The following ZBTB7B variants were observed in gnomAD, a reference collection of about 807,000 sequenced individuals.
The protein encoded by ZBTB7B is zinc finger and BTB domain containing 7B.
ZBTB7B carries 8 observed loss-of-function variants against 31.0 expected under a neutral mutation model. The ratio of observed to expected loss-of-function variants is 0.26; its 90% CI spans 0.15 to 0.47. The LOEUF is 0.47. Ranked by LOEUF, ZBTB7B falls within the 20% of genes least tolerant of loss-of-function variation. The pLI, the probability that ZBTB7B is intolerant of heterozygous loss-of-function variation, is 0.99. For synonymous variants in ZBTB7B, 261 were observed against 307.3 expected (o/e 0.85, Z 1.58); for missense variants, 494 against 742.4 (o/e 0.67, Z 3.89).
Position 155,004,487 on chromosome 1 carries a change from CCA to C in ZBTB7B, c.-7+1552_-7+1553del, listed in dbSNP as rs1227705466. Reference sequence around the variant, plus strand: ...GATTATGGGGTTGCCTCCTGCTGCCCCACACACACCAACTGGTTTGGTCACCC... The same window carrying C: ...GATTATGGGGTTGCCTCCTGCTGCCCCACACACCAACTGGTTTGGTCACCC... On this transcript the variant is annotated intron_variant, in intron 1 of 2. Coordinates refer to ENST00000535420, the MANE Select transcript of ZBTB7B (RefSeq NM_001256455.2). The surrounding 1 kb of genome is among the most constrained non-coding windows in gnomAD (Gnocchi z 4.0). 6.6e-6 allele frequency among the ~76,000 whole-genome samples: 1 copy of C among 152,050 alleles called. No homozygotes were observed. The highest frequency in any genetic ancestry group is 1.5e-5 in the Non-Finnish European group (1 of 67,980).
intron 1 of ZBTB7B, among the ~76,000 whole-genome samples, chr1:155,007,336 C>T (rs1228756708): frequency 1.3e-5 from 2 of 152,220 alleles, no homozygotes. Flanking sequence ...TGGTTCCCTC[C>T]CTTTATGGGG....
intron 1 of ZBTB7B, chr1:155,010,845 G>T: frequency 7.8e-7 from 1 of 1,284,482 alleles, no homozygotes; most frequent in Non-Finnish European, 1.1e-6. Flanking sequence ...CAGAAGTAAG[G>T]GGGAGGGGTG....
At chr1:155,006,308 T>C (rs1467050028) in intron 1 of ZBTB7B, among the ~76,000 whole-genome samples, 1 of 152,174 alleles carries the variant, frequency 6.6e-6, no homozygotes, top group Non-Finnish European at 1.5e-5. Context: ...GGTTCTGCTA[T>C]GGAGGATAGC....
Position 155,014,804 on chromosome 1 carries a change from C to T in ZBTB7B, c.144C>T (p.His48=). The part of the protein sequence containing the change: ...IRTQGLEYRT[H]RAVLAACSHY... ...CGCAGGGCCTTGAATACCGCACCCA[C>T]AGGGCTGTGCTAGCTGCCTGTAGCC... The change falls in exon 2 of 3, where the codon CAC becomes CAT. Residue 48 remains histidine (H), a synonymous_variant. Transcript: ENST00000535420. The T allele has an allele frequency of 1.2e-6, 2 of 1,614,232 alleles. No homozygotes were observed. Among genetic ancestry groups the T allele is most frequent in the Non-Finnish European group, 1.7e-6 (2 of 1,180,040 alleles).
intron 1 of ZBTB7B, among the ~76,000 whole-genome samples, chr1:155,007,100 G>C (rs1304328211): frequency 6.6e-6 from 1 of 152,238 alleles, no homozygotes; most frequent in South Asian, 2.1e-4. Flanking sequence ...ACTGGGATGG[G>C]TTGGAATGTG....
intron 1 of ZBTB7B, among the ~76,000 whole-genome samples, chr1:155,005,041 C>G (rs950302003): frequency 3.3e-5 from 5 of 152,026 alleles, no homozygotes; most frequent in African/African-American, 1.2e-4. Context: ...CTGTCCCCTT[C>G]TTCTTCCCCA....
chr1:155,007,875 C>T (rs56103503), intron 1 of ZBTB7B, among the ~76,000 whole-genome samples: 50,892 of 151,886 alleles, frequency 0.34, 11,362 homozygotes, highest in East Asian at 0.87. Flanking sequence ...TTTTAGGGGG[C>T]ATTTCTATGG....
chr1:155,015,507 G>C lies in ZBTB7B; in HGVS notation c.847G>C (p.Val283Leu). 6.2e-7 allele frequency: 1 copy of C among 1,613,772 alleles called. No homozygotes were observed. Among genetic ancestry groups the C allele is most frequent in the Non-Finnish European group, 8.5e-7 (1 of 1,179,872 alleles). ...YEGEEEEEEL[V>L]YPPAYGLAQG... ...GGGTGAGGAAGAAGAAGAGGAGCTGGTATATCCCCCAGCCTATGGGCTGGC... is the reference window on the plus strand; with the variant it reads ...GGGTGAGGAAGAAGAAGAGGAGCTGCTATATCCCCCAGCCTATGGGCTGGC... Residue 283 changes from valine (V) to leucine (L), a missense_variant, in exon 2 of 3, where the codon GTA becomes CTA. Val to Leu is a conservative substitution (Grantham distance 32). Coordinates refer to ENST00000535420, the MANE Select transcript of ZBTB7B (RefSeq NM_001256455.2).
In ZBTB7B at chr1:155,004,959, G is replaced by A. The variant is rs1457236303; in HGVS notation, c.-7+2016G>A. ...CTAGGCTCAGGTGTCAAGGAGACAG[G>A]CTTGCTCTAATGGGACTCTCATCAC... On this transcript the variant is annotated intron_variant, in intron 1 of 2. Coordinates refer to ENST00000535420, the MANE Select transcript of ZBTB7B (RefSeq NM_001256455.2). This position sits in a 1 kb window ranked among gnomAD's most constrained non-coding sequence, Gnocchi z 4.0. 6.6e-6 allele frequency among the ~76,000 whole-genome samples: 1 copy of A among 152,188 alleles called. No individual in the cohort carries two copies. Among genetic ancestry groups the A allele is most frequent in the African/African-American group, 2.4e-5 (1 of 41,444 alleles).
upstream of ZBTB7B, among the ~76,000 whole-genome samples, chr1:155,002,177 A>T (rs896691481): frequency 8.6e-5 from 13 of 151,912 alleles, no homozygotes; most frequent in African/African-American, 2.7e-4. Flanking sequence ...GGACGAACGC[A>T]AGGCGAGACC....
At chr1:155,010,966 C>G (rs1272826400) in intron 1 of ZBTB7B, 1 of 1,535,836 alleles carries the variant, frequency 6.5e-7, no homozygotes, top group Admixed American at 2.0e-5. Context: ...GCTGCTGCTC[C>G]TGGAGAAGCC....
At position 155,018,000 on chromosome 1, in the gene ZBTB7B, G is replaced by A. The variant is rs945053805; in HGVS notation, c.*1315G>A. The stretch of plus-strand genomic sequence containing the variant: ...TTAACTACCCAATTCTGCTGGGGGT[G>A]GGGGACACCCCCCCTTCCTCGCTGG... On this transcript the variant is annotated 3_prime_UTR_variant, in exon 3 of 3. Transcript: ENST00000535420. 6.3e-6 allele frequency: 1 copy of A among 158,030 alleles called. No homozygotes were observed. Among genetic ancestry groups the A allele is most frequent in the African/African-American group, 2.4e-5 (1 of 41,472 alleles). The allele number at this position is 158,030 out of a possible 1,614,324, so 9.8% of individuals were successfully genotyped here.
At chr1:155,002,274 T>C (rs1333545528), upstream of ZBTB7B, among the ~76,000 whole-genome samples, 3 of 123,978 alleles carry the variant, frequency 2.4e-5, no homozygotes, top group Non-Finnish European at 5.3e-5. Flanking sequence ...AAGGGCTGGA[T>C]GGGGGCCGGG....
chr1:155,003,878 G>C lies in ZBTB7B; in HGVS notation c.-7+935G>C, dbSNP rs1046241694. 6.6e-6 allele frequency among the ~76,000 whole-genome samples: 1 copy of C among 152,168 alleles called. No homozygotes were observed. Among genetic ancestry groups the C allele is most frequent in the South Asian group, 2.1e-4 (1 of 4,830 alleles). ...CCCAAGTAAGAGAGCGACGTGTCCC[G>C]GCCAGAGCGAGGTGGGGGCGGGAGT... On this transcript the variant is annotated intron_variant, in intron 1 of 2. Transcript: ENST00000535420. This position sits in a 1 kb window ranked among gnomAD's most constrained non-coding sequence, Gnocchi z 5.8.
Position 155,015,503 on chromosome 1 carries a change from G to A in ZBTB7B, c.843G>A (p.Glu281=), listed in dbSNP as rs1294681887. ...ATGAGGGTGAGGAAGAAGAAGAGGAGCTGGTATATCCCCCAGCCTATGGGC... is the reference window on the plus strand; with the variant it reads ...ATGAGGGTGAGGAAGAAGAAGAGGAACTGGTATATCCCCCAGCCTATGGGC... ...EPYEGEEEEE[E]LVYPPAYGLA... is the part of the protein sequence containing the mutation. The change falls in exon 2 of 3, where the codon GAG becomes GAA. Residue 281 remains glutamate, a synonymous_variant. Transcript: ENST00000535420. 6.2e-7 allele frequency: 1 copy of A among 1,613,718 alleles called. No homozygotes were observed. The highest frequency in any genetic ancestry group is 8.5e-7 in the Non-Finnish European group (1 of 1,179,822).
At chr1:155,008,198 CT>C (rs1258232190) in intron 1 of ZBTB7B, among the ~76,000 whole-genome samples, 2 of 152,184 alleles carry the variant, frequency 1.3e-5, no homozygotes, top group African/African-American at 2.4e-5. Flanking sequence ...TCTGTTCCCC[CT>C]GATCCCCCTG....
At chr1:155,006,738 C>T (rs1223529171) in intron 1 of ZBTB7B, among the ~76,000 whole-genome samples, 1 of 152,058 alleles carries the variant, frequency 6.6e-6, no homozygotes, top group East Asian at 1.9e-4. Flanking sequence ...TTTCCACCGT[C>T]CCCCCAACTC....
At chr1:155,012,444 C>T (rs1232554061) in intron 1 of ZBTB7B, among the ~76,000 whole-genome samples, 1 of 152,146 alleles carries the variant, frequency 6.6e-6, no homozygotes, top group Non-Finnish European at 1.5e-5. Flanking sequence ...GCTGCTGCTC[C>T]TCCTGCTGCT....
At position 155,004,698 on chromosome 1, in the gene ZBTB7B, G is replaced by A. The variant is rs1658452988; in HGVS notation, c.-7+1755G>A. ...AGAAGGGTAGGGGGCTCCCCCTGGA[G>A]CAGCTGATGAAACAAGGAGAAATCT... On this transcript the variant is annotated intron_variant, in intron 1 of 2. Transcript: ENST00000535420. This position sits in a 1 kb window ranked among gnomAD's most constrained non-coding sequence, Gnocchi z 4.0. 6.6e-6 allele frequency among the ~76,000 whole-genome samples: 1 copy of A among 152,076 alleles called. No homozygotes were observed. The highest frequency in any genetic ancestry group is 1.5e-5 in the Non-Finnish European group (1 of 67,972).
Sources: allele counts gnomAD v4.1 joint callset (sites outside exome capture counted in the v4.1 genomes callset), GRCh38; gene constraint gnomAD v4.1.1; non-coding constraint Gnocchi (gnomAD v3.1); transcripts MANE v1.5; gene names NCBI Gene and HGNC (gene_info 2026-07-23, HGNC 2026-07-21).